Variants in HSD3B1 observed in about 807,000 individuals in gnomAD.
The protein encoded by HSD3B1 is 3 beta-hydroxysteroid dehydrogenase/Delta 5-->4-isomerase type 1.
Under a neutral mutation model 10.4 loss-of-function variants are expected in HSD3B1, and 11 were observed. That is an observed-to-expected ratio of 1.05 (90% CI 0.66 to 1.75). The LOEUF (loss-of-function observed/expected upper bound fraction) is 1.75, where lower values mean the gene tolerates loss of function less well. Ranked by LOEUF, HSD3B1 falls within the 40% of genes most tolerant of loss-of-function variation. The pLI is 0.00. For synonymous variants in HSD3B1, 217 were observed against 185.4 expected (o/e 1.17, Z -1.39); for missense variants, 490 against 454.5 (o/e 1.08, Z -0.71).
At chr1:119,509,864 A>T (rs968857972) in intron 2 of HSD3B1, among the ~76,000 whole-genome samples, 1 of 152,162 alleles carries the variant, frequency 6.6e-6, no homozygotes, top group African/African-American at 2.4e-5. Context: ...GAAAAGAATG[A>T]TATTAAACAA....
At chr1:119,513,726 T>C (rs2101464036) in intron 3 of HSD3B1, 108 bp from the exon 4 acceptor site, 3 of 1,063,804 alleles carry the variant, frequency 2.8e-6, no homozygotes, top group South Asian at 3.0e-5. Context: ...CTGAGTCTGT[T>C]ACAACCACCA....
Position 119,511,655 on chromosome 1 carries a change from G to A in HSD3B1, c.298G>A (p.Val100Ile), listed in dbSNP as rs761714506. ...CACTCACAGAGAGTCTATCATGAAT[G>A]TCAATGTGAAAGGTATGGTAGGCTG... ...GVTHRESIMN[V>I]NVKGTQLLLE... is the part of the protein sequence containing the mutation. Residue 100 changes from valine (V) to isoleucine (I), a missense_variant, in exon 3 of 4, where the codon GTC becomes ATC. By Grantham distance (29) the Val-to-Ile change is conservative. Transcript: ENST00000369413. 58 of 1,613,700 alleles carry A rather than the reference G, an allele frequency of 3.6e-5. No individual in the cohort carries two copies. In the East Asian group the frequency reaches 1.2e-3, roughly 35 times the overall value.
At chr1:119,511,871 C>A in intron 3 of HSD3B1, 1 of 569,964 alleles carries the variant, frequency 1.8e-6, no homozygotes, top group Non-Finnish European at 3.1e-6. Flanking sequence ...GGGCAAGTAA[C>A]TTGTCCAAGG....
In HSD3B1 at chr1:119,507,482, G is replaced by A. The variant is rs200083003; in HGVS notation, c.6G>A (p.Thr2=). ...TCCTGCTACTTTGGATGGCCATGACGGGCTGGAGCTGCCTTGTGACAGGAG... is the reference window on the plus strand; with the variant it reads ...TCCTGCTACTTTGGATGGCCATGACAGGCTGGAGCTGCCTTGTGACAGGAG... M[T]GWSCLVTGAG... Residue 2 remains threonine, a synonymous_variant, in exon 2 of 4, where the codon ACG becomes ACA. Coordinates refer to ENST00000369413, the MANE Select transcript of HSD3B1 (RefSeq NM_000862.3). 22 of 1,613,780 alleles carry A rather than the reference G, an allele frequency of 1.4e-5. No individual in the cohort carries two copies. Among genetic ancestry groups the A allele is most frequent in the African/African-American group, 4.0e-5 (3 of 75,010 alleles).
intron 3 of HSD3B1, chr1:119,511,930 C>T: frequency 2.4e-6 from 1 of 424,914 alleles, no homozygotes; most frequent in Non-Finnish European, 4.3e-6. Flanking sequence ...AAACTCATCC[C>T]TGTGTGACTC....
intron 2 of HSD3B1, chr1:119,508,166 G>GAGTCGGGGAGAGAA (rs1653842321): frequency 6.4e-6 from 1 of 155,296 alleles, no homozygotes; most frequent in African/African-American, 2.4e-5. Flanking sequence ...GGGGGAGAGA[G>GAGTCGGGGAGAGAA]AGTCGGGGAG....
intron 2 of HSD3B1, among the ~76,000 whole-genome samples, chr1:119,508,474 A>C (rs1310192495): frequency 6.6e-6 from 1 of 152,198 alleles, no homozygotes; most frequent in Non-Finnish European, 1.5e-5. Context: ...CCCAAGAGGC[A>C]GGTAGAAAAG....
chr1:119,511,434 C>T, intron 2 of HSD3B1, 69 bp from the exon 3 acceptor site: 1 of 1,506,038 alleles, frequency 6.6e-7, no homozygotes, highest in South Asian at 1.1e-5. Context: ...TATGTAACAT[C>T]ACCTTTATCA....
chr1:119,511,256 C>T (rs587734978), intron 2 of HSD3B1, among the ~76,000 whole-genome samples: 1 of 152,178 alleles, frequency 6.6e-6, no homozygotes, highest in African/African-American at 2.4e-5. Flanking sequence ...GCATACCTGA[C>T]AGCTCACTGC....
chr1:119,513,038 C>G lies in HSD3B1; in HGVS notation c.311-796C>G, dbSNP rs115320545. 2.3e-3 allele frequency among the ~76,000 whole-genome samples: 357 copies of G among 152,314 alleles called. 3 individuals carry two copies. Among genetic ancestry groups the G allele is most frequent in the African/African-American group, 7.7e-3 (320 of 41,572 alleles). On this transcript the variant is annotated intron_variant, in intron 3 of 3. Coordinates refer to ENST00000369413, the MANE Select transcript of HSD3B1 (RefSeq NM_000862.3). ...CAGGGGAGGCTGCAAGGTCCTCCCA[C>G]TGCAGGTGTTACCAGCAGAGGACAC...
In HSD3B1 at chr1:119,513,946, C is replaced by T. The variant is rs1329696971; in HGVS notation, c.423C>T (p.Gly141=). 6.8e-6 allele frequency: 11 copies of T among 1,613,928 alleles called. No homozygotes were observed. The highest frequency in any genetic ancestry group is 9.3e-6 in the Non-Finnish European group (11 of 1,180,006). ...CCTACAAGGAAATCATCCAGAATGG[C>T]CATGAAGAAGAGCCTCTGGAAAACA... ...PNSYKEIIQN[G]HEEEPLENTW... is the part of the protein sequence containing the mutation. The change falls in exon 4 of 4, where the codon GGC becomes GGT. Residue 141 remains glycine, a synonymous_variant. Transcript: ENST00000369413.
Position 119,510,735 on chromosome 1 carries a change from T to G in HSD3B1, c.146-768T>G, listed in dbSNP as rs1465675497. On this transcript the variant is annotated intron_variant, in intron 2 of 3. Coordinates refer to ENST00000369413, the MANE Select transcript of HSD3B1 (RefSeq NM_000862.3). ...TGGTTTTCTTTTTTTTTTTTTTTTT[T>G]TTTTTTTTTTTTTTTTTTTGAGACA... is the stretch of plus-strand genomic sequence containing the variant. Among the ~76,000 whole-genome samples, 76 of 82,034 alleles carry G rather than the reference T, an allele frequency of 9.3e-4. 1 individual carries two copies. The highest frequency in any genetic ancestry group is 5.7e-3 in the African/African-American group (69 of 12,206). 53.8% of individuals were successfully genotyped at this position (82,034 alleles called of 152,430 possible).
At chr1:119,510,712 G>GTTTTTTTTT (rs1265546430) in intron 2 of HSD3B1, among the ~76,000 whole-genome samples, 8 of 39,100 alleles carry the variant, frequency 2.0e-4, no homozygotes, top group Non-Finnish European at 5.6e-4. Context: ...TGCTTGTGTG[G>GTTTTTTTTT]TTTTCTTTTT....
chr1:119,509,508 C>T (rs1309803228), intron 2 of HSD3B1, among the ~76,000 whole-genome samples: 2 of 152,298 alleles, frequency 1.3e-5, no homozygotes, highest in East Asian at 1.9e-4. Flanking sequence ...TTTGACACTC[C>T]TTTGAGCCAG....
At chr1:119,513,574 C>G (rs1322049418) in intron 3 of HSD3B1, among the ~76,000 whole-genome samples, 3 of 151,534 alleles carry the variant, frequency 2.0e-5, no homozygotes, top group Non-Finnish European at 4.4e-5. Context: ...AATTAAAGTA[C>G]ACACACACAC....
At chr1:119,512,513 C>T (rs758518099) in intron 3 of HSD3B1, among the ~76,000 whole-genome samples, 4 of 151,944 alleles carry the variant, frequency 2.6e-5, no homozygotes, top group Admixed American at 1.3e-4. Context: ...CCTGGCCCTC[C>T]GCATTTAGTC....
At position 119,511,629 on chromosome 1, in the gene HSD3B1, T is replaced by A; in HGVS notation, c.272T>A (p.Val91Asp). The A allele has an allele frequency of 6.2e-7, 1 of 1,613,696 alleles. No individual in the cohort carries two copies. Among genetic ancestry groups the A allele is most frequent in the Non-Finnish European group, 8.5e-7 (1 of 1,179,724 alleles). Residue 91 changes from valine to aspartate, a missense_variant, in exon 3 of 4, where the codon GTC becomes GAC. Physicochemically the swap from Val to Asp is radical, Grantham distance 152. Coordinates refer to ENST00000369413, the MANE Select transcript of HSD3B1 (RefSeq NM_000862.3). The part of the protein sequence containing the change: ...HTACIIDVFG[V>D]THRESIMNVN... ...GCCTGTATCATTGATGTCTTCGGTG[T>A]CACTCACAGAGAGTCTATCATGAAT...
At chr1:119,511,805 G>T in intron 3 of HSD3B1, 138 bp downstream of exon 3, 1 of 779,376 alleles carries the variant, frequency 1.3e-6, no homozygotes, top group Non-Finnish European at 2.2e-6. Context: ...CTACGAATAG[G>T]AGAGTTCAAG....
rs781682438 is a variant in HSD3B1, at chr1:119,511,682, G to A, written c.310+15G>A. On this transcript the variant is annotated intron_variant, in intron 3 of 3. Coordinates refer to ENST00000369413, the MANE Select transcript of HSD3B1 (RefSeq NM_000862.3). ...CAATGTGAAAGGTATGGTAGGCTGG[G>A]GAGGAGATGCAGCAAGGTGGGGAAT... 9.9e-6 allele frequency: 16 copies of A among 1,612,292 alleles called. No homozygotes were observed. The highest frequency in any genetic ancestry group is 1.3e-5 in the Non-Finnish European group (15 of 1,178,566).
Sources: gnomAD v4.1 joint callset for allele counts (sites outside exome capture counted in the v4.1 genomes callset) on GRCh38, gnomAD v4.1.1 for gene constraint, MANE v1.5 for transcripts, NCBI Gene and HGNC (gene_info 2026-07-23, HGNC 2026-07-21) for gene names.